The following DCN variants were observed in gnomAD, a reference collection of about 807,000 sequenced individuals.
The protein encoded by DCN is decorin.
A neutral mutation model predicts 36.5 loss-of-function variants in DCN; 17 were observed. The observed-to-expected ratio is 0.47, with a 90% confidence interval of 0.32 to 0.70. DCN has a LOEUF of 0.70. Among genes scored for constraint, DCN ranks in the 30% least tolerant of loss-of-function variants. The pLI, the probability that DCN is intolerant of heterozygous loss-of-function variation, is 0.04. For synonymous variants in DCN, 163 were observed against 161.4 expected, an observed-to-expected ratio of 1.01 and a Z score of -0.07; for missense variants, 389 against 430.1, an observed-to-expected ratio of 0.90 and a Z score of 0.84.
rs2121099711 is a variant in DCN at position 91,140,913 on chromosome 12, G to T, written c.*5145C>A. ...TCTGTTTCTTTTCTTTCTCTCTCAT[G>T]CCCCATCTGATCATTCAGCCATCCC... On this transcript the variant is annotated 3_prime_UTR_variant, in exon 8 of 8. Coordinates refer to ENST00000052754, the MANE Select transcript of DCN (RefSeq NM_001920.5). 1 of 152,148 alleles carries T rather than the reference G, an allele frequency of 6.6e-6. No homozygotes were observed. The highest frequency in any genetic ancestry group is 2.1e-4 in the South Asian group (1 of 4,816). 9.4% of individuals were successfully genotyped at this position (152,148 alleles called of 1,614,324 possible).
At chr12:91,162,877 C>T (rs1459407597) in intron 3 of DCN, among the ~76,000 whole-genome samples, 1 of 152,198 alleles carries the variant, frequency 6.6e-6, no homozygotes, top group African/African-American at 2.4e-5. Flanking sequence ...ACCCTCAACA[C>T]TGAGTTTAGA....
At chr12:91,165,883 C>T (rs1047532536) in intron 2 of DCN, among the ~76,000 whole-genome samples, 40 of 152,250 alleles carry the variant, frequency 2.6e-4, no homozygotes, top group African/African-American at 9.6e-4. Context: ...AGGACCAAGG[C>T]AGATATTGCC....
At position 91,145,787 on chromosome 12, in the gene DCN, C is replaced by A. The variant is rs1880972482; in HGVS notation, c.*271G>T. 4 of 454,370 alleles carry A rather than the reference C, an allele frequency of 8.8e-6. No individual in the cohort carries two copies. Among genetic ancestry groups the A allele is most frequent in the South Asian group, 2.2e-5 (1 of 46,380 alleles). 28.1% of individuals were successfully genotyped at this position (454,370 alleles called of 1,614,324 possible). ...TAAATATTGACATATATATTTACTC[C>A]AAATTTTACATTTAGTGAAATAAGA... On this transcript the variant is annotated 3_prime_UTR_variant, in exon 8 of 8. Coordinates refer to ENST00000052754, the MANE Select transcript of DCN (RefSeq NM_001920.5).
chr12:91,157,790 G>A (rs1271788713), intron 4 of DCN, among the ~76,000 whole-genome samples: 2 of 151,854 alleles, frequency 1.3e-5, no homozygotes, highest in East Asian at 1.9e-4. Flanking sequence ...CACCACGCCC[G>A]GCTAATTTTT....
intron 3 of DCN, among the ~76,000 whole-genome samples, chr12:91,161,039 A>T (rs1269351673): frequency 6.6e-6 from 1 of 152,182 alleles, no homozygotes; most frequent in African/African-American, 2.4e-5. Flanking sequence ...TGAAATTATG[A>T]TGTTTATTTG....
rs370175941 is a variant in DCN at position 91,149,419 on chromosome 12, A to G, written c.885+2235T>C. Among the ~76,000 whole-genome samples the G allele has an allele frequency of 3.3e-5, 5 of 152,334 alleles. No homozygotes were observed. The East Asian group carries it at 9.6e-4, about 29-fold the overall frequency. On this transcript the variant is annotated intron_variant, in intron 7 of 7. Transcript: ENST00000052754. The stretch of plus-strand genomic sequence containing the variant: ...AAAAAAATTCATAATAAATGTTTTC[A>G]GTAAATCAGAAATAGAAGGGAACTT...
chr12:91,182,083 C>T lies in DCN; in HGVS notation c.-34+572G>A, dbSNP rs369934848. ...ACTTTACATTTAAGAAATTATACAG[C>T]GTTTTTAGTATCTTAGGCATTTAAT... On this transcript the variant is annotated intron_variant, in intron 1 of 7. Transcript: ENST00000052754. Among the ~76,000 whole-genome samples the T allele has an allele frequency of 6.6e-5, 10 of 152,108 alleles. No homozygotes were observed. The South Asian group carries it at 1.4e-3, about 22-fold the overall frequency.
chr12:91,166,872 C>T (rs1882606066), intron 2 of DCN, among the ~76,000 whole-genome samples: 1 of 152,022 alleles, frequency 6.6e-6, no homozygotes, highest in African/African-American at 2.4e-5. Flanking sequence ...ACAACCTGCT[C>T]TGAATTAGTA....
At chr12:91,167,607 G>C (rs1373183680) in intron 2 of DCN, among the ~76,000 whole-genome samples, 1 of 151,898 alleles carries the variant, frequency 6.6e-6, no homozygotes, top group East Asian at 1.9e-4. Flanking sequence ...CTCTTCTTTT[G>C]TTAGGTTTGG....
At chr12:91,175,482 C>T (rs1883235170) in intron 2 of DCN, 1 of 152,014 alleles carries the variant, frequency 6.6e-6, no homozygotes, top group Admixed American at 6.6e-5. Flanking sequence ...TACTTCTTAG[C>T]TTTGAAAGAA....
chr12:91,178,035 TTA>T (rs771452929), intron 2 of DCN, among the ~76,000 whole-genome samples: 1 of 152,034 alleles, frequency 6.6e-6, no homozygotes, highest in African/African-American at 2.4e-5. Context: ...TAAGACTTTT[TTA>T]ATTCAAAATT....
intron 1 of DCN, chr12:91,180,635 C>T (rs1868363473): frequency 1.3e-5 from 2 of 152,312 alleles, no homozygotes; most frequent in East Asian, 3.9e-4. Flanking sequence ...CACACTGCCA[C>T]TTTAAGTTCA....
intron 7 of DCN, among the ~76,000 whole-genome samples, chr12:91,150,331 T>C (rs1192864910): frequency 6.6e-6 from 1 of 152,162 alleles, no homozygotes; most frequent in Admixed American, 6.5e-5. Context: ...CAAATGACAT[T>C]GGGACAATTG....
In DCN at chr12:91,142,808, C is replaced by T. The variant is rs769724662; in HGVS notation, c.*3250G>A. On this transcript the variant is annotated 3_prime_UTR_variant, in exon 8 of 8. Coordinates refer to ENST00000052754, the MANE Select transcript of DCN (RefSeq NM_001920.5). ...GTTTCCAACCTTTTATGTGAAGCAC[C>T]CATAATCGAACAACAGTTTTAATGA... 1.3e-5 allele frequency: 2 copies of T among 151,838 alleles called. No homozygotes were observed. The highest frequency in any genetic ancestry group is 2.4e-5 in the African/African-American group (1 of 41,340). 9.4% of individuals were successfully genotyped at this position (151,838 alleles called of 1,614,324 possible).
In DCN at chr12:91,145,971, G is replaced by T; in HGVS notation, c.*87C>A. 8.6e-7 allele frequency: 1 copy of T among 1,166,254 alleles called. No individual in the cohort carries two copies. 72.2% of individuals were successfully genotyped at this position (1,166,254 alleles called of 1,614,324 possible). On this transcript the variant is annotated 3_prime_UTR_variant, in exon 8 of 8. Coordinates refer to ENST00000052754, the MANE Select transcript of DCN (RefSeq NM_001920.5). The stretch of plus-strand genomic sequence containing the variant: ...GGTAAAACATCCACATTGCAGTTAG[G>T]TTTCCAGTATCTAGCTTTTATTTAT...
Position 91,164,676 on chromosome 12 carries a change from G to C in DCN, c.253C>G (p.Leu85Val), listed in dbSNP as rs11106024. The C allele has an allele frequency of 6.2e-7, 1 of 1,612,806 alleles. No homozygotes were observed. Among genetic ancestry groups the C allele is most frequent in the Non-Finnish European group, 8.5e-7 (1 of 1,178,942 alleles). The change falls in exon 3 of 8, where the codon CTG (leucine) becomes GTG (valine). Residue 85 changes from leucine to valine, a missense_variant. Physicochemically the swap from Leu to Val is conservative, Grantham distance 32. Transcript: ENST00000052754. ...ATTTTGTTGTTTTGCAGGTCTAGCA[G>C]AGTTGTGTCAGGGGGAAGATCCTTT... ...VPKDLPPDTTLLDLQNNKITE... is the reference protein window; with the variant it reads ...VPKDLPPDTTVLDLQNNKITE...
At chr12:91,152,867 G>A (rs1881522677) in intron 6 of DCN, among the ~76,000 whole-genome samples, 1 of 151,932 alleles carries the variant, frequency 6.6e-6, no homozygotes, top group South Asian at 2.1e-4. Context: ...AAACAGTATA[G>A]TATTAATAAA....
At chr12:91,152,534 A>T (rs578218341) in intron 6 of DCN, among the ~76,000 whole-genome samples, 21 of 152,050 alleles carry the variant, frequency 1.4e-4, no homozygotes, top group African/African-American at 2.7e-4. Flanking sequence ...CACTTATTTT[A>T]AAAAAAATCA....
At chr12:91,173,984 G>A (rs3138182) in intron 2 of DCN, among the ~76,000 whole-genome samples, 14,582 of 152,132 alleles carry the variant, frequency 0.096, 940 homozygotes, top group African/African-American at 0.17. Context: ...AACATTATTT[G>A]CATTATAAGG....
Sources: allele counts gnomAD v4.1 joint callset (sites outside exome capture counted in the v4.1 genomes callset), GRCh38; gene constraint gnomAD v4.1.1; transcripts MANE v1.5; gene names NCBI Gene and HGNC (gene_info 2026-07-23, HGNC 2026-07-21).